Variants in MAP3K6 observed in about 807,000 individuals in gnomAD.
The protein encoded by MAP3K6 is mitogen-activated protein kinase kinase kinase 6, also known as apoptosis signal-regulating kinase 2.
A neutral mutation model predicts 147.1 loss-of-function variants in MAP3K6; 105 were observed. The ratio of observed to expected loss-of-function variants is 0.71; its 90% CI spans 0.61 to 0.84. MAP3K6 has a LOEUF of 0.84. MAP3K6 is among the 40% of genes least tolerant of loss of function. The pLI is 0.00. For missense variants in MAP3K6, 1,569 were observed against 1,715.0 expected, an observed-to-expected ratio of 0.91 and a Z score of 1.50; for synonymous variants, 695 against 732.4, an observed-to-expected ratio of 0.95 and a Z score of 0.82.
At position 27,358,574 on chromosome 1, in the gene MAP3K6, G is replaced by A; in HGVS notation, c.2621C>T (p.Ser874Phe). Residue 874 changes from serine to phenylalanine, a missense_variant, in exon 20 of 29, where the codon TCT becomes TTT. Transcript: ENST00000357582. The surrounding 1 kb of genome is among the most constrained non-coding windows in gnomAD (Gnocchi z 6.2). ...AAAGGCTTGGGCCTCGGCCGACAGA[G>A]AGCTGGGCATTGGCGGATGGACCTT... Reference protein sequence around the residue: ...MYKVHPPMPSSLSAEAQAFLL... With the variant: ...MYKVHPPMPSFLSAEAQAFLL... The A allele has an allele frequency of 6.2e-7, 1 of 1,613,468 alleles. No individual in the cohort carries two copies. Among genetic ancestry groups the A allele is most frequent in the Non-Finnish European group, 8.5e-7 (1 of 1,179,808 alleles).
At chr1:27,365,205 G>A (rs1470806496) in intron 1 of MAP3K6, among the ~76,000 whole-genome samples, 2 of 152,148 alleles carry the variant, frequency 1.3e-5, no homozygotes, top group Admixed American at 6.5e-5. Context: ...AGTCTGTTAC[G>A]GGCCATTTAG....
Position 27,357,014 on chromosome 1 carries a change from C to G in MAP3K6, c.3359G>C (p.Gly1120Ala). 6.2e-7 allele frequency: 1 copy of G among 1,613,760 alleles called. No homozygotes were observed. The highest frequency in any genetic ancestry group is 8.5e-7 in the Non-Finnish European group (1 of 1,179,890). The stretch of plus-strand genomic sequence containing the variant: ...CCGTGGCATTCCCCTCCTACCCGGT[C>G]CTAGCACACCCAGGGCTGCCCGCAC... ...RAVRAALGVL[G>A]PEVEKEAVSP... Residue 1120 changes from glycine to alanine, a missense_variant, in exon 24 of 29, where the codon GGA (glycine) becomes GCA (alanine). Physicochemically the swap from Gly to Ala is moderately conservative, Grantham distance 60 (BLOSUM62 0). Coordinates refer to ENST00000357582, the MANE Select transcript of MAP3K6 (RefSeq NM_004672.5).
chr1:27,363,786 G>GGCCAACACTCAGAGACATTGGATAA, intron 5 of MAP3K6, 131 bp downstream of exon 5: 1 of 962,486 alleles, frequency 1.0e-6, no homozygotes, highest in South Asian at 1.7e-5. Flanking sequence ...CAAATAAGGA[G>GGCCAACACTCAGAGACATTGGATAA]GCCAACACTC....
In MAP3K6 at chr1:27,356,018, C is replaced by A; in HGVS notation, c.3711+8G>T. 1 of 1,613,528 alleles carries A rather than the reference C, an allele frequency of 6.2e-7. No individual in the cohort carries two copies. Among genetic ancestry groups the A allele is most frequent in the Non-Finnish European group, 8.5e-7 (1 of 1,179,496 alleles). On this transcript the variant is annotated splice_region_variant and intron_variant, in intron 27 of 28. Transcript: ENST00000357582. ...AGGTCAGGGATAGCCAAGCACTCCC[C>A]GACTCACCATTTGGATGGTGCCTGA... is the stretch of plus-strand genomic sequence containing the variant.
At position 27,360,827 on chromosome 1, in the gene MAP3K6, C is replaced by T. The variant is rs1420241571; in HGVS notation, c.1932G>A (p.Glu644=). 1.2e-6 allele frequency: 2 copies of T among 1,612,744 alleles called. No homozygotes were observed. The highest frequency in any genetic ancestry group is 1.3e-5 in the African/African-American group (1 of 74,946). Residue 644 remains glutamate, a synonymous_variant, in exon 15 of 29, where the codon GAG becomes GAA. Transcript: ENST00000357582. This position sits in a 1 kb window ranked among gnomAD's most constrained non-coding sequence, Gnocchi z 4.5. ...CCAGCCGCTCGCCCGTCTCCGTGTA[C>T]TCATAATCAAACTGCCGGGCGCGGG... ...GAGEMLEFDY[E]YTETGERLVL... is the part of the protein sequence containing the mutation.
chr1:27,357,036 G>A lies in MAP3K6; in HGVS notation c.3337C>T (p.Arg1113Trp), dbSNP rs143876994. 2 of 1,614,008 alleles carry A rather than the reference G, an allele frequency of 1.2e-6. No individual in the cohort carries two copies. The highest frequency in any genetic ancestry group is 8.5e-7 in the Non-Finnish European group (1 of 1,180,002). The stretch of plus-strand genomic sequence containing the variant: ...GGTCCTAGCACACCCAGGGCTGCCC[G>A]CACAGCACGGCTGAGCAGTGAGTCC... Reference protein sequence around the residue: ...VLDSLLSRAVRAALGVLGPEV... With the variant: ...VLDSLLSRAVWAALGVLGPEV... Residue 1113 changes from arginine to tryptophan, a missense_variant, in exon 24 of 29, where the codon CGG (arginine) becomes TGG (tryptophan). Physicochemically the swap from Arg to Trp is moderately radical, Grantham distance 101. Coordinates refer to ENST00000357582, the MANE Select transcript of MAP3K6 (RefSeq NM_004672.5).
chr1:27,356,846 G>C, intron 24 of MAP3K6, 97 bp from the exon 25 acceptor site: 1 of 1,469,210 alleles, frequency 6.8e-7, no homozygotes, highest in Non-Finnish European at 9.1e-7. Context: ...CTCTGGGCAG[G>C]CCCCAGGCGG....
chr1:27,361,024 G>C lies in MAP3K6; in HGVS notation c.1833-16C>G. On this transcript the variant is annotated splice_polypyrimidine_tract_variant and intron_variant, in intron 13 of 28. Coordinates refer to ENST00000357582, the MANE Select transcript of MAP3K6 (RefSeq NM_004672.5). The stretch of plus-strand genomic sequence containing the variant: ...GCCGCAGAACCTGAAGGTGGGGGAG[G>C]TCAGACCCGCGGGAGGGGCATCTTG... The C allele has an allele frequency of 6.4e-7, 1 of 1,566,328 alleles. No individual in the cohort carries two copies. Among genetic ancestry groups the C allele is most frequent in the Non-Finnish European group, 8.7e-7 (1 of 1,154,884 alleles).
intron 8 of MAP3K6, 147 bp from the exon 9 acceptor site, chr1:27,362,397 G>A: frequency 1.2e-6 from 1 of 857,406 alleles, no homozygotes; most frequent in Non-Finnish European, 1.8e-6. Context: ...AGGAGCTCAG[G>A]CACAGGTATA....
rs1344778958 is a variant in MAP3K6, at chr1:27,361,235, T to C, written c.1754A>G (p.Glu585Gly). 1 of 1,613,208 alleles carries C rather than the reference T, an allele frequency of 6.2e-7. No homozygotes were observed. The highest frequency in any genetic ancestry group is 8.5e-7 in the Non-Finnish European group (1 of 1,179,878). Residue 585 changes from glutamate (E) to glycine (G), a missense_variant, in exon 13 of 29, where the codon GAG becomes GGG. Physicochemically the swap from Glu to Gly is moderately conservative, Grantham distance 98 (BLOSUM62 -2). Coordinates refer to ENST00000357582, the MANE Select transcript of MAP3K6 (RefSeq NM_004672.5). ...ICGVSASKRDERCCFLYALPP... is the reference protein window; with the variant it reads ...ICGVSASKRDGRCCFLYALPP... ...GAGTGCATAGAGGAAGCAGCAGCGC[T>C]CGTCGCGCTTTGAGGCGCTGGGAAG... is the stretch of plus-strand genomic sequence containing the variant.
chr1:27,356,105 A>C lies in MAP3K6; in HGVS notation c.3638-6T>G. On this transcript the variant is annotated splice_polypyrimidine_tract_variant and splice_region_variant and intron_variant, in intron 26 of 28. Coordinates refer to ENST00000357582, the MANE Select transcript of MAP3K6 (RefSeq NM_004672.5). ...CTGGTCCGTTGAAAGAGCAGCTGTCAAGAAGCAGTCAGGTGATGAGCCCAA... is the reference window on the plus strand; with the variant it reads ...CTGGTCCGTTGAAAGAGCAGCTGTCCAGAAGCAGTCAGGTGATGAGCCCAA... 6.2e-7 allele frequency: 1 copy of C among 1,613,944 alleles called. No individual in the cohort carries two copies. Among genetic ancestry groups the C allele is most frequent in the Non-Finnish European group, 8.5e-7 (1 of 1,179,808 alleles).
intron 13 of MAP3K6, 48 bp downstream of exon 13, chr1:27,361,109 C>A (rs771106959): frequency 6.4e-7 from 1 of 1,553,750 alleles, no homozygotes; most frequent in South Asian, 1.2e-5. Context: ...CCACTCCCCC[C>A]CGGGCATCCT....
rs2015896572 is a variant in MAP3K6 at position 27,364,289 on chromosome 1, G to A, written c.610C>T (p.Gln204Ter). The change falls in exon 4 of 29, where the codon CAG (glutamine) becomes TAG (stop). Residue 204 changes from glutamine to a stop codon, truncating the protein, a stop_gained. Coordinates refer to ENST00000357582, the MANE Select transcript of MAP3K6 (RefSeq NM_004672.5). LOFTEE classifies it high-confidence loss of function. The surrounding 1 kb of genome is among the most constrained non-coding windows in gnomAD (Gnocchi z 4.4). ...LLRGLADGLV[Q>*]AGVGTEALLT... Reference sequence around the variant, plus strand: ...AGGGCCTCGGTCCCCACTCCAGCCTGTACCAGCCCATCAGCCAGGCCCCGC... The same window carrying A: ...AGGGCCTCGGTCCCCACTCCAGCCTATACCAGCCCATCAGCCAGGCCCCGC... The A allele has an allele frequency of 6.2e-7, 1 of 1,613,940 alleles. No homozygotes were observed.
At chr1:27,357,930 C>G (rs778770295) in intron 21 of MAP3K6, 54 bp from the exon 22 acceptor site, 2 of 1,521,016 alleles carry the variant, frequency 1.3e-6, no homozygotes, top group East Asian at 4.8e-5. Context: ...GGCCAGTCAC[C>G]TCTGTTGCCG....
intron 23 of MAP3K6, 29 bp downstream of exon 23, chr1:27,357,371 C>A: frequency 6.3e-7 from 1 of 1,575,646 alleles, no homozygotes. Context: ...TGTTGTTGGG[C>A]AGCTCTAACT....
rs914778753 is a variant in MAP3K6, at chr1:27,364,362, A to G, written c.537T>C (p.Tyr179=). ...DCVGSYTLIP[Y]VVTATGRVLC... ...GCACCCGACCAGTGGCCGTCACCAC[A>G]TAGGGGATCAGTGTGTAGCTGCCAA... Residue 179 remains tyrosine, a synonymous_variant, in exon 4 of 29, where the codon TAT becomes TAC. Transcript: ENST00000357582. This position sits in a 1 kb window ranked among gnomAD's most constrained non-coding sequence, Gnocchi z 4.4. The G allele has an allele frequency of 2.5e-6, 4 of 1,614,026 alleles. No homozygotes were observed. The highest frequency in any genetic ancestry group is 2.7e-5 in the African/African-American group (2 of 74,940).
In MAP3K6 at chr1:27,366,656, TG is replaced by T. The variant is rs2016001150; in HGVS notation, c.-60del. 1 of 1,047,278 alleles carries T rather than the reference TG, an allele frequency of 9.5e-7. No homozygotes were observed. Among genetic ancestry groups the T allele is most frequent in the Non-Finnish European group, 1.2e-6 (1 of 869,232 alleles). 64.9% of individuals were successfully genotyped at this position (1,047,278 alleles called of 1,614,324 possible). On this transcript the variant is annotated 5_prime_UTR_variant, in exon 1 of 29. Transcript: ENST00000357582. The surrounding 1 kb of genome is among the most constrained non-coding windows in gnomAD (Gnocchi z 5.5). ...GGGAACCGGGGGCGGGGCAGGAGCC[TG>T]GGCCGGCAGATCAGGAATCTTGGGA...
chr1:27,365,430 C>T (rs2015941548), intron 1 of MAP3K6, among the ~76,000 whole-genome samples: 1 of 152,182 alleles, frequency 6.6e-6, no homozygotes, highest in African/African-American at 2.4e-5. Context: ...CGATTTGTGT[C>T]TGTCGATAAT....
Position 27,364,168 on chromosome 1 carries a change from C to G in MAP3K6, c.695+36G>C. On this transcript the variant is annotated intron_variant, in intron 4 of 28. Coordinates refer to ENST00000357582, the MANE Select transcript of MAP3K6 (RefSeq NM_004672.5). The surrounding 1 kb of genome is among the most constrained non-coding windows in gnomAD (Gnocchi z 4.4). ...CCAGCCCACCATACCCTCACCAGCC[C>G]CCTCCTGGAGCACCCTCCCTGGGGG... The G allele has an allele frequency of 1.2e-6, 2 of 1,601,496 alleles. No homozygotes were observed. Among genetic ancestry groups the G allele is most frequent in the South Asian group, 2.2e-5 (2 of 90,190 alleles).
Sources: gnomAD v4.1 joint callset for allele counts (sites outside exome capture counted in the v4.1 genomes callset) on GRCh38, gnomAD v4.1.1 for gene constraint, Gnocchi (gnomAD v3.1) non-coding constraint, MANE v1.5 for transcripts, NCBI Gene and HGNC (gene_info 2026-07-23, HGNC 2026-07-21) for gene names.